Variants in PALM observed in about 807,000 individuals in gnomAD.
The protein encoded by PALM is paralemmin-1.
A neutral mutation model predicts 30.7 loss-of-function variants in PALM; 18 were observed. The ratio of observed to expected loss-of-function variants is 0.59; its 90% confidence interval spans 0.41 to 0.87. The LOEUF is 0.87. Ranked by LOEUF, PALM falls within the 40% of genes least tolerant of loss-of-function variation. PALM has a pLI of 0.00. For missense variants in PALM, 529 were observed against 555.4 expected, an observed-to-expected ratio of 0.95 and a Z score of 0.48; for synonymous variants, 286 against 242.8, an observed-to-expected ratio of 1.18 and a Z score of -1.66.
intron 1 of PALM, among the ~76,000 whole-genome samples, chr19:715,967 T>A (rs2032241183): frequency 6.6e-6 from 1 of 152,014 alleles, no homozygotes; most frequent in Non-Finnish European, 1.5e-5. Context: ...GTGGACGTCT[T>A]GGTGTCTGAG....
chr19:710,987 C>T (rs1318726591), intron 1 of PALM, among the ~76,000 whole-genome samples: 4 of 152,362 alleles, frequency 2.6e-5, no homozygotes, highest in South Asian at 2.1e-4. Flanking sequence ...AGAACGTGAT[C>T]GCTTGCCTCC....
chr19:726,736 C>G (rs1305432973), intron 2 of PALM, among the ~76,000 whole-genome samples: 1 of 152,240 alleles, frequency 6.6e-6, no homozygotes, highest in Non-Finnish European at 1.5e-5. Context: ...CTCCTGAACT[C>G]AAGTGATCCT....
At position 737,590 on chromosome 19, in the gene PALM, G is replaced by A. The variant is rs192284585; in HGVS notation, c.502+1512G>A. On this transcript the variant is annotated intron_variant, in intron 7 of 8. Coordinates refer to ENST00000338448, the MANE Select transcript of PALM (RefSeq NM_002579.3). ...GGGAGCGTTCAACGTAAGAGGTGAC[G>A]TCTGAGCAAAGACCCAGAGGTGCTG... Among the ~76,000 whole-genome samples, 8 of 152,250 alleles carry A rather than the reference G, an allele frequency of 5.3e-5. No homozygotes were observed. The East Asian group carries it at 1.2e-3, about 22-fold the overall frequency.
In PALM at chr19:726,129, C is replaced by T. The variant is rs758029500; in HGVS notation, c.6-9C>T. ...TGAACCAGAGCTTGACCTTATCTCC[C>T]TCCCGCAGGGTCCTGGCGGCAGAGA... is the stretch of plus-strand genomic sequence containing the variant. On this transcript the variant is annotated splice_polypyrimidine_tract_variant and intron_variant, in intron 1 of 8. Coordinates refer to ENST00000338448, the MANE Select transcript of PALM (RefSeq NM_002579.3). 7 of 1,611,876 alleles carry T rather than the reference C, an allele frequency of 4.3e-6. No individual in the cohort carries two copies. The highest frequency in any genetic ancestry group is 1.7e-4 in the Middle Eastern group (1 of 6,050).
At chr19:726,950 T>TGGGGGGGGG in intron 2 of PALM, 58 bp from the exon 3 acceptor site, 18 of 864,292 alleles carry the variant, frequency 2.1e-5, no homozygotes, top group East Asian at 9.3e-5. Context: ...TGTGTGGGGG[T>TGGGGGGGGG]GGGGGGGTCT....
In PALM at chr19:728,702, C is replaced by T. The variant is rs1032215960; in HGVS notation, c.269+1008C>T. ...GCCCAGCCTGTAATCCCAGCTACTCCGGAGGCTGAGGCAGAAGAAGGCCAG... is the reference window on the plus strand; with the variant it reads ...GCCCAGCCTGTAATCCCAGCTACTCTGGAGGCTGAGGCAGAAGAAGGCCAG... On this transcript the variant is annotated intron_variant, in intron 4 of 8. Transcript: ENST00000338448. 4.0e-5 allele frequency among the ~76,000 whole-genome samples: 6 copies of T among 151,858 alleles called. No individual in the cohort carries two copies. The South Asian group carries it at 6.2e-4, about 16-fold the overall frequency.
chr19:709,974 C>G lies in PALM; in HGVS notation c.5+823C>G, dbSNP rs1006142050. On this transcript the variant is annotated intron_variant, in intron 1 of 8. Coordinates refer to ENST00000338448, the MANE Select transcript of PALM (RefSeq NM_002579.3). The surrounding 1 kb of genome is among the most constrained non-coding windows in gnomAD (Gnocchi z 4.3). ...GCGTGGTCATTTCGGACACCGGTCC[C>G]CTCCTCCCGGTGCTCGGGTGCCCCT... Among the ~76,000 whole-genome samples, 4 of 152,150 alleles carry G rather than the reference C, an allele frequency of 2.6e-5. No individual in the cohort carries two copies. The highest frequency in any genetic ancestry group is 4.4e-5 in the Non-Finnish European group (3 of 68,002).
In PALM at chr19:740,463, T is replaced by C. The variant is rs1015927464; in HGVS notation, c.614T>C (p.Val205Ala). 2 of 1,551,944 alleles carry C rather than the reference T, an allele frequency of 1.3e-6. No homozygotes were observed. The highest frequency in any genetic ancestry group is 2.7e-5 in the African/African-American group (2 of 73,092). The change falls in exon 8 of 9, where the codon GTC (valine) becomes GCC (alanine). Residue 205 changes from valine to alanine, a missense_variant. Transcript: ENST00000338448. ...CAGCCGCTCCCTCTGGGCATCAAAGTCTACGAGGACGAGACCAAAGGTACG... is the reference window on the plus strand; with the variant it reads ...CAGCCGCTCCCTCTGGGCATCAAAGCCTACGAGGACGAGACCAAAGGTACG... ...PRQPLPLGIK[V>A]YEDETKVVHA...
intron 8 of PALM, among the ~76,000 whole-genome samples, chr19:743,602 A>T (rs1599169767): frequency 6.6e-6 from 1 of 152,186 alleles, no homozygotes; most frequent in East Asian, 1.9e-4. Flanking sequence ...GTAGCCAGGA[A>T]CAGGAGCCCT....
rs145774078 is a variant in PALM at position 740,442 on chromosome 19, C to A, written c.593C>A (p.Pro198Gln). The change falls in exon 8 of 9, where the codon CCG (proline) becomes CAG (glutamine). Residue 198 changes from proline to glutamine, a missense_variant. Physicochemically the swap from Pro to Gln is moderately conservative, Grantham distance 76. Transcript: ENST00000338448. ...LSSTTLLPRQ[P>Q]LPLGIKVYED... is the part of the protein sequence containing the mutation. Reference sequence around the variant, plus strand: ...AGCACCACGCTGCTCCCTCGGCAGCCGCTCCCTCTGGGCATCAAAGTCTAC... The same window carrying A: ...AGCACCACGCTGCTCCCTCGGCAGCAGCTCCCTCTGGGCATCAAAGTCTAC... 3 of 1,552,586 alleles carry A rather than the reference C, an allele frequency of 1.9e-6. No homozygotes were observed. The highest frequency in any genetic ancestry group is 2.6e-6 in the Non-Finnish European group (3 of 1,147,692).
intron 4 of PALM, among the ~76,000 whole-genome samples, chr19:729,458 C>CT (rs34688325): frequency 0.047 from 3,420 of 72,666 alleles, 198 homozygotes; most frequent in African/African-American, 0.057. Flanking sequence ...CACGGTGCGT[C>CT]TTTTTTTTTT....
chr19:719,199 AC>A, intron 1 of PALM: 1 of 985,280 alleles, frequency 1.0e-6, no homozygotes, highest in Non-Finnish European at 1.2e-6. Flanking sequence ...CCCCCATCCC[AC>A]ACACGCCCCT....
intron 1 of PALM, among the ~76,000 whole-genome samples, chr19:722,150 C>T (rs569391197): frequency 4.0e-5 from 6 of 150,630 alleles, no homozygotes; most frequent in African/African-American, 1.5e-4. Context: ...GATCTCCTGA[C>T]CTCGTGATCC....
intron 1 of PALM, among the ~76,000 whole-genome samples, chr19:717,150 A>G (rs12983579): frequency 0.55 from 83,549 of 151,946 alleles, 23,374 homozygotes; most frequent in African/African-American, 0.65. Flanking sequence ...GGATGGTCTC[A>G]ATCTCTTGAC....
In PALM at chr19:746,864, GCCCGGCCCCT is replaced by G. The variant is rs772625260; in HGVS notation, c.*57_*66del. On this transcript the variant is annotated 3_prime_UTR_variant, in exon 9 of 9. Coordinates refer to ENST00000338448, the MANE Select transcript of PALM (RefSeq NM_002579.3). This position sits in a 1 kb window ranked among gnomAD's most constrained non-coding sequence, Gnocchi z 7.1. ...CACCCCACACCACAGACACCCACCAGCCCGGCCCCTCCCGGCGCCTGCCCACCCTCCACCC... is the reference window on the plus strand; with the variant it reads ...CACCCCACACCACAGACACCCACCAGCCCGGCGCCTGCCCACCCTCCACCC... 4 of 1,157,692 alleles carry G rather than the reference GCCCGGCCCCT, an allele frequency of 3.5e-6. No individual in the cohort carries two copies. Among genetic ancestry groups the G allele is most frequent in the Admixed American group, 2.8e-5 (1 of 36,192 alleles). The allele number at this position is 1,157,692 out of a possible 1,614,324, so 71.7% of individuals were successfully genotyped here.
chr19:726,965 G>GGGGGGGGGGGGGGGC, intron 2 of PALM, 43 bp from the exon 3 acceptor site: 1 of 1,037,616 alleles, frequency 9.6e-7, no homozygotes, highest in East Asian at 3.9e-5. Context: ...GGGTCTCCGG[G>GGGGGGGGGGGGGGGC]ACCCCCACGC....
chr19:737,924 G>A lies in PALM; in HGVS notation c.502+1846G>A, dbSNP rs75316092. Among the ~76,000 whole-genome samples the A allele has an allele frequency of 4.8e-3, 725 of 152,298 alleles. 20 individuals carry two copies. In the East Asian group the frequency reaches 0.068, roughly 14 times the overall value. On this transcript the variant is annotated intron_variant, in intron 7 of 8. Coordinates refer to ENST00000338448, the MANE Select transcript of PALM (RefSeq NM_002579.3). ...GCAAAGCCGGGACTGCCCCGACTCC[G>A]TGCTCACCCACGCCCTCTGGTGACT...
At chr19:737,035 A>G (rs1305313023) in intron 7 of PALM, among the ~76,000 whole-genome samples, 1 of 151,926 alleles carries the variant, frequency 6.6e-6, no homozygotes, top group African/African-American at 2.4e-5. Context: ...CCTGGGCGAC[A>G]AGAGCAAGAC....
At chr19:726,985 A>AGCCC in intron 2 of PALM, 23 bp from the exon 3 acceptor site, 26 of 945,340 alleles carry the variant, frequency 2.8e-5, no homozygotes, top group East Asian at 6.1e-5. Context: ...CCCATCCCTG[A>AGCCC]CCCCACCCGG....
Sources: allele counts gnomAD v4.1 joint callset (sites outside exome capture counted in the v4.1 genomes callset), GRCh38; gene constraint gnomAD v4.1.1; non-coding constraint Gnocchi (gnomAD v3.1); transcripts MANE v1.5; gene names NCBI Gene and HGNC (gene_info 2026-07-23, HGNC 2026-07-21).